The following SGCD variants were observed in gnomAD, a reference collection of about 807,000 sequenced individuals.
SGCD encodes delta-sarcoglycan.
SGCD carries 18 observed loss-of-function variants against 36.6 expected under a neutral mutation model. The ratio of observed to expected loss-of-function variants is 0.49; its 90% confidence interval spans 0.34 to 0.73. The LOEUF is 0.73. Among genes scored for constraint, SGCD ranks in the 30% least tolerant of loss-of-function variants. The pLI is 0.01. For missense variants in SGCD, 387 were observed against 346.7 expected (o/e 1.12, Z -0.92); for synonymous variants, 133 against 130.6 (o/e 1.02, Z -0.12).
At chr5:156,529,378 T>C (rs964461670) in intron 4 of SGCD, among the ~76,000 whole-genome samples, 3 of 147,872 alleles carry the variant, frequency 2.0e-5, no homozygotes, top group East Asian at 3.9e-4. Context: ...TGAGCTGAGA[T>C]TGGGCCATTG....
At chr5:155,846,953 A>G in the SGCD span, among the ~76,000 whole-genome samples, 4 of 152,200 alleles carry the variant, frequency 2.6e-5, no homozygotes, top group East Asian at 3.8e-4. Context: ...GTTCCCAATC[A>G]TCTTTGTAGA....
chr5:155,837,438 A>G, the SGCD span, among the ~76,000 whole-genome samples: 4 of 152,326 alleles, frequency 2.6e-5, no homozygotes, highest in South Asian at 4.1e-4. Flanking sequence ...GATTACTGGC[A>G]TGAGTCACTG....
intron 1 of SGCD, among the ~76,000 whole-genome samples, chr5:156,046,276 T>G (rs1477483127): frequency 6.6e-6 from 1 of 152,190 alleles, no homozygotes; most frequent in African/African-American, 2.4e-5. Context: ...CCCACATGAC[T>G]CTTATCAATA....
intron 3 of SGCD, among the ~76,000 whole-genome samples, chr5:156,237,649 G>A (rs1036429530): frequency 3.3e-5 from 5 of 151,890 alleles, no homozygotes; most frequent in Admixed American, 6.6e-5. Context: ...AAAACAAAGC[G>A]GGACACTTTC....
At chr5:156,269,326 C>T (rs939336627) in intron 3 of SGCD, among the ~76,000 whole-genome samples, 3 of 151,618 alleles carry the variant, frequency 2.0e-5, no homozygotes, top group African/African-American at 4.8e-5. Context: ...AAAAATTAGC[C>T]GGGCATGTTG....
intron 3 of SGCD, among the ~76,000 whole-genome samples, chr5:156,225,069 T>C (rs1764816183): frequency 6.6e-6 from 1 of 152,096 alleles, no homozygotes; most frequent in South Asian, 2.1e-4. Context: ...GTGAATATCT[T>C]CATCACCAAT....
At chr5:156,430,024 T>G (rs913626929) in intron 3 of SGCD, among the ~76,000 whole-genome samples, 3 of 152,186 alleles carry the variant, frequency 2.0e-5, no homozygotes, top group African/African-American at 7.2e-5. Context: ...TCTTTTGTGA[T>G]GAATTTCCCA....
At chr5:155,978,507 G>C (rs942347581) in intron 1 of SGCD, among the ~76,000 whole-genome samples, 13 of 152,266 alleles carry the variant, frequency 8.5e-5, no homozygotes, top group African/African-American at 3.1e-4. Context: ...CTTTAGGCAG[G>C]AAAGATTATG....
chr5:155,825,096 G>A, the SGCD span, among the ~76,000 whole-genome samples: 1 of 152,118 alleles, frequency 6.6e-6, no homozygotes, highest in Non-Finnish European at 1.5e-5. Context: ...AAAGAAAGCT[G>A]ATGTTAGAGT....
At chr5:156,316,716 G>A (rs1043063873) in intron 3 of SGCD, among the ~76,000 whole-genome samples, 7 of 151,988 alleles carry the variant, frequency 4.6e-5, no homozygotes, top group African/African-American at 1.7e-4. Context: ...AGAAAGGATA[G>A]TCTCTTCAAT....
rs529814684 is a variant in SGCD, at chr5:156,200,911, A to T, written c.-44+76892A>T. Among the ~76,000 whole-genome samples the T allele has an allele frequency of 2.6e-5, 4 of 152,322 alleles. No homozygotes were observed. In the East Asian group the frequency reaches 7.7e-4, roughly 29 times the overall value. On this transcript the variant is annotated intron_variant, in intron 3 of 9. Transcript: ENST00000517913. The stretch of plus-strand genomic sequence containing the variant: ...TACAGTGGAATATTATGCAGCTTTA[A>T]AACAGGAAGGACATCCTCTTACATG...
chr5:156,358,507 G>T (rs1467267340), intron 3 of SGCD, among the ~76,000 whole-genome samples: 1 of 152,158 alleles, frequency 6.6e-6, no homozygotes, highest in Non-Finnish European at 1.5e-5. Context: ...AGAAACAGTT[G>T]TTTATTCAAC....
rs183985433 is a variant in SGCD, at chr5:156,213,328, T to C, written c.-44+89309T>C. Among the ~76,000 whole-genome samples the C allele has an allele frequency of 2.2e-4, 34 of 152,080 alleles. No homozygotes were observed. The South Asian group carries it at 3.5e-3, about 16-fold the overall frequency. ...AAGTGAGACCACAATAGCATGTGACTGCTGTGAAAAATTATGGGCCAAAAA... is the reference window on the plus strand; with the variant it reads ...AAGTGAGACCACAATAGCATGTGACCGCTGTGAAAAATTATGGGCCAAAAA... On this transcript the variant is annotated intron_variant, in intron 3 of 9. Transcript: ENST00000517913.
intron 3 of SGCD, among the ~76,000 whole-genome samples, chr5:156,260,776 G>A (rs544046368): frequency 1.6e-4 from 25 of 152,156 alleles, no homozygotes; most frequent in African/African-American, 6.0e-4. Flanking sequence ...AATCTTAAGA[G>A]TATTTGGTTT....
chr5:155,838,689 A>G, the SGCD span, among the ~76,000 whole-genome samples: 1 of 150,484 alleles, frequency 6.6e-6, no homozygotes, highest in Non-Finnish European at 1.5e-5. Context: ...TCCAGAATCT[A>G]TTTGACATGT....
intron 6 of SGCD, among the ~76,000 whole-genome samples, chr5:156,601,576 A>G (rs1761193062): frequency 6.6e-6 from 1 of 152,150 alleles, no homozygotes; most frequent in Non-Finnish European, 1.5e-5. Flanking sequence ...CTGCAGTTTA[A>G]TTCTTCTTGC....
At chr5:156,104,947 T>G (rs1761608486) in intron 1 of SGCD, among the ~76,000 whole-genome samples, 1 of 151,822 alleles carries the variant, frequency 6.6e-6, no homozygotes, top group Non-Finnish European at 1.5e-5. Flanking sequence ...AGTTGAACAA[T>G]GAGAACACGT....
At chr5:156,506,739 T>C (rs964789025) in intron 3 of SGCD, among the ~76,000 whole-genome samples, 3 of 152,146 alleles carry the variant, frequency 2.0e-5, no homozygotes, top group Non-Finnish European at 4.4e-5. Flanking sequence ...AAAACCTCAT[T>C]GGTTTGGAAG....
the SGCD span, among the ~76,000 whole-genome samples, chr5:155,732,376 T>A: frequency 1.3e-5 from 2 of 152,242 alleles, no homozygotes; most frequent in Admixed American, 6.5e-5. Flanking sequence ...TCAAGATCTC[T>A]GGTCCTAATT....
Sources: allele counts gnomAD v4.1 joint callset (sites outside exome capture counted in the v4.1 genomes callset), GRCh38; gene constraint gnomAD v4.1.1; transcripts MANE v1.5; gene names NCBI Gene and HGNC (gene_info 2026-07-23, HGNC 2026-07-21).